PLCE1: variants seen among roughly 807,000 people sequenced by gnomAD.
PLCE1 encodes the protein phospholipase C epsilon 1.
In PLCE1, 119 loss-of-function variants were observed where a neutral mutation model predicts 242.8. That is an observed-to-expected ratio of 0.49 (90% CI 0.42 to 0.57). The LOEUF (loss-of-function observed/expected upper bound fraction) is 0.57. PLCE1 is among the 20% of genes least tolerant of loss of function. The pLI is 0.00. For missense variants in PLCE1, 2,441 were observed against 2,788.8 expected, an observed-to-expected ratio of 0.88 and a Z score of 2.81; for synonymous variants, 945 against 1,017.4, an observed-to-expected ratio of 0.93 and a Z score of 1.35.
At chr10:94,165,877 T>A (rs1485964771) in intron 3 of PLCE1, among the ~76,000 whole-genome samples, 1 of 152,092 alleles carries the variant, frequency 6.6e-6, no homozygotes, top group Non-Finnish European at 1.5e-5. Flanking sequence ...TGGCTACTTT[T>A]TGTATTTTTA....
At position 94,296,446 on chromosome 10, in the gene PLCE1, A is replaced by G. The variant is rs556250890; in HGVS notation, c.5168-1933A>G. Among the ~76,000 whole-genome samples, 3 of 152,174 alleles carry G rather than the reference A, an allele frequency of 2.0e-5. No homozygotes were observed. The East Asian group carries it at 5.8e-4, about 29-fold the overall frequency. On this transcript the variant is annotated intron_variant, in intron 23 of 32. Coordinates refer to ENST00000371380, the MANE Select transcript of PLCE1 (RefSeq NM_016341.4). ...CTTAGCTAGAACTTACGAATAACTTACTGTAGCTTCTCCATCAGTACTTGC... is the reference window on the plus strand; with the variant it reads ...CTTAGCTAGAACTTACGAATAACTTGCTGTAGCTTCTCCATCAGTACTTGC...
At chr10:94,243,220 C>G (rs1016115594) in intron 7 of PLCE1, among the ~76,000 whole-genome samples, 4 of 152,154 alleles carry the variant, frequency 2.6e-5, no homozygotes, top group African/African-American at 9.7e-5. Context: ...CCTCTATGGT[C>G]TTCCCTCCCC....
chr10:94,228,773 G>T (rs2050037777), intron 5 of PLCE1, among the ~76,000 whole-genome samples: 1 of 151,890 alleles, frequency 6.6e-6, no homozygotes, highest in South Asian at 2.1e-4. Context: ...TCATACAAAT[G>T]CATCAGGCAT....
intron 1 of PLCE1, among the ~76,000 whole-genome samples, chr10:94,009,260 A>T (rs1375970429): frequency 1.3e-5 from 2 of 152,078 alleles, no homozygotes; most frequent in Non-Finnish European, 2.9e-5. Flanking sequence ...GGGAGGTCTC[A>T]GACTCTTAAA....
intron 4 of PLCE1, among the ~76,000 whole-genome samples, chr10:94,191,072 C>T (rs1332273247): frequency 6.6e-6 from 1 of 151,994 alleles, no homozygotes; most frequent in Non-Finnish European, 1.5e-5. Flanking sequence ...AATTAAGGGG[C>T]CCCAGCCTCA....
intron 20 of PLCE1, among the ~76,000 whole-genome samples, chr10:94,282,626 T>G (rs2052281448): frequency 6.6e-6 from 1 of 152,208 alleles, no homozygotes; most frequent in Non-Finnish European, 1.5e-5. Flanking sequence ...GTCCTTGCAT[T>G]GTTCCACAGT....
At chr10:94,171,567 C>T in intron 4 of PLCE1, 71 bp downstream of exon 4, 2 of 1,187,600 alleles carry the variant, frequency 1.7e-6, no homozygotes, top group Non-Finnish European at 2.5e-6. Flanking sequence ...ACCTCCCCTT[C>T]TAGGTTTGTC....
chr10:94,270,087 A>G (rs2051672538), intron 17 of PLCE1, among the ~76,000 whole-genome samples: 1 of 152,252 alleles, frequency 6.6e-6, no homozygotes, highest in Admixed American at 6.5e-5. Flanking sequence ...ACATAAATAT[A>G]TGTGACATAT....
chr10:94,034,442 A>G (rs1183643673), intron 2 of PLCE1, among the ~76,000 whole-genome samples: 1 of 152,226 alleles, frequency 6.6e-6, no homozygotes, highest in Non-Finnish European at 1.5e-5. Flanking sequence ...TGATTTCCTG[A>G]GAAATTATGT....
intron 2 of PLCE1, among the ~76,000 whole-genome samples, chr10:94,070,236 A>C (rs1388900242): frequency 6.6e-6 from 1 of 152,216 alleles, no homozygotes; most frequent in African/African-American, 2.4e-5. Context: ...CCTGGCTTGG[A>C]ATAGTAATGT....
chr10:94,137,589 G>A (rs1485404608), intron 3 of PLCE1, among the ~76,000 whole-genome samples: 1 of 152,176 alleles, frequency 6.6e-6, no homozygotes, highest in African/African-American at 2.4e-5. Context: ...TTCTCAAATT[G>A]TTGCTGAGTA....
chr10:94,002,661 C>A (rs966722273), intron 1 of PLCE1, among the ~76,000 whole-genome samples: 4 of 152,008 alleles, frequency 2.6e-5, no homozygotes, highest in South Asian at 2.1e-4. Flanking sequence ...CCAATACTTA[C>A]AATTGAGGGG....
At chr10:94,068,135 T>G (rs1314630571) in intron 2 of PLCE1, among the ~76,000 whole-genome samples, 1 of 152,172 alleles carries the variant, frequency 6.6e-6, no homozygotes, top group Non-Finnish European at 1.5e-5. Context: ...TCTTTGCTCA[T>G]GCAGTCACCT....
chr10:94,119,878 A>G (rs1279076915), intron 2 of PLCE1, among the ~76,000 whole-genome samples: 1 of 152,244 alleles, frequency 6.6e-6, no homozygotes, highest in Non-Finnish European at 1.5e-5. Context: ...GAATGAATGA[A>G]TGAACAAAGT....
Position 94,031,587 on chromosome 10 carries a change from G to A in PLCE1, c.541G>A (p.Asp181Asn). ...CATAGAGACAGGCAGAGCACACCCT[G>A]ACAGCAGAAGGGCAGTATTTCATTT... Reference protein sequence around the residue: ...VIIETGRAHPDSRRAVFHFHY... With the variant: ...VIIETGRAHPNSRRAVFHFHY... The change falls in exon 2 of 33, where the codon GAC becomes AAC. Residue 181 changes from aspartate (D) to asparagine (N), a missense_variant. Asp to Asn is a conservative substitution (Grantham distance 23, BLOSUM62 1). This residue lies in a region of PLCE1 where 393 missense variants were observed against 378.5 expected (regional missense o/e 1.04). Coordinates refer to ENST00000371380, the MANE Select transcript of PLCE1 (RefSeq NM_016341.4). 6.2e-7 allele frequency: 1 copy of A among 1,612,672 alleles called. No individual in the cohort carries two copies. The highest frequency in any genetic ancestry group is 8.5e-7 in the Non-Finnish European group (1 of 1,179,646).
At position 94,324,511 on chromosome 10, in the gene PLCE1, C is replaced by G; in HGVS notation, c.6664C>G (p.Gln2222Glu). 6.2e-7 allele frequency: 1 copy of G among 1,614,092 alleles called. No homozygotes were observed. Among genetic ancestry groups the G allele is most frequent in the Non-Finnish European group, 8.5e-7 (1 of 1,179,998 alleles). The change falls in exon 31 of 33, where the codon CAA (glutamine) becomes GAA (glutamate). Residue 2222 changes from glutamine (Q) to glutamate (E), a missense_variant. Transcript: ENST00000371380. ...LLDQECVFQA[Q>E]SKWKGAGKFI... The stretch of plus-strand genomic sequence containing the variant: ...GGATCAGGAGTGTGTGTTTCAAGCC[C>G]AAAGCAAGTGGAAAGGTGCAGGAAA...
At position 94,031,315 on chromosome 10, in the gene PLCE1, G is replaced by A. The variant is rs750829654; in HGVS notation, c.269G>A (p.Cys90Tyr). ...AGTGATGAGAACAGTAATGAAAAATGTTGGGAGAAAATCATGCCAGATTCT... is the reference window on the plus strand; with the variant it reads ...AGTGATGAGAACAGTAATGAAAAATATTGGGAGAAAATCATGCCAGATTCT... Reference protein sequence around the residue: ...IVSDENSNEKCWEKIMPDSAK... With the variant: ...IVSDENSNEKYWEKIMPDSAK... The change falls in exon 2 of 33, where the codon TGT becomes TAT. Residue 90 changes from cysteine (C) to tyrosine (Y), a missense_variant. Physicochemically the swap from Cys to Tyr is radical, Grantham distance 194. Coordinates refer to ENST00000371380, the MANE Select transcript of PLCE1 (RefSeq NM_016341.4). 13 of 1,613,758 alleles carry A rather than the reference G, an allele frequency of 8.1e-6. No individual in the cohort carries two copies. Among genetic ancestry groups the A allele is most frequent in the African/African-American group, 5.3e-5 (4 of 74,914 alleles).
chr10:94,113,903 G>A (rs1355694523), intron 2 of PLCE1, among the ~76,000 whole-genome samples: 14 of 152,154 alleles, frequency 9.2e-5, no homozygotes. Flanking sequence ...ACAAAATGCA[G>A]CAGATGGGCA....
chr10:94,296,308 G>A (rs2052812485), intron 23 of PLCE1, among the ~76,000 whole-genome samples: 1 of 150,228 alleles, frequency 6.7e-6, no homozygotes, highest in East Asian at 2.0e-4. Flanking sequence ...GGAGCTTGCA[G>A]TGAGCCAAGA....
Sources: allele counts gnomAD v4.1 joint callset (sites outside exome capture counted in the v4.1 genomes callset), GRCh38; gene constraint gnomAD v4.1.1; regional missense constraint gnomAD v4.1.1; transcripts MANE v1.5; gene names NCBI Gene and HGNC (gene_info 2026-07-23, HGNC 2026-07-21).